DGCR2: variants seen among roughly 807,000 people sequenced by gnomAD.
DGCR2 encodes DiGeorge syndrome critical region gene 2, also known as integral membrane protein DGCR2/IDD.
In DGCR2, 24 loss-of-function variants were observed where a neutral mutation model predicts 51.6. The ratio of observed to expected loss-of-function variants is 0.47; its 90% CI spans 0.34 to 0.65. The LOEUF is 0.65. DGCR2 is among the 30% of genes least tolerant of loss of function. The pLI is 0.01. For missense variants in DGCR2, 765 were observed against 772.1 expected (o/e 0.99, Z 0.11); for synonymous variants, 340 against 315.4 (o/e 1.08, Z -0.82).
Position 19,089,453 on chromosome 22 carries a change from G to T in DGCR2, c.117C>A (p.Ser39Arg). ...GGAGGGGGATGCACTGGATGGTGCC[G>T]CTGCGACACGCAAACTGCCCAGGGT... The part of the protein sequence containing the change: ...RCNPGQFACR[S>R]GTIQCIPLPW... Residue 39 changes from serine (S) to arginine (R), a missense_variant, in exon 2 of 10, where the codon AGC (serine) becomes AGA (arginine). Physicochemically the swap from Ser to Arg is moderately radical, Grantham distance 110. Transcript: ENST00000263196. The T allele has an allele frequency of 1.9e-6, 3 of 1,604,268 alleles. No individual in the cohort carries two copies. The highest frequency in any genetic ancestry group is 1.7e-5 in the Admixed American group (1 of 58,968).
intron 1 of DGCR2, among the ~76,000 whole-genome samples, chr22:19,114,276 T>A (rs1446800597): frequency 6.6e-6 from 1 of 152,240 alleles, no homozygotes; most frequent in Non-Finnish European, 1.5e-5. Context: ...GTATGAATGT[T>A]AGCAAATGTG....
chr22:19,118,607 A>C (rs811107), intron 1 of DGCR2, among the ~76,000 whole-genome samples: 62,683 of 151,858 alleles, frequency 0.41, 13,383 homozygotes, highest in African/African-American at 0.53. Flanking sequence ...TGTACCAACA[A>C]TAGAAGGAAG....
At chr22:19,042,074 TC>T in intron 7 of DGCR2, 115 bp from the exon 8 acceptor site, 1 of 1,216,636 alleles carries the variant, frequency 8.2e-7, no homozygotes, top group Non-Finnish European at 1.1e-6. Context: ...ACACAGTGTC[TC>T]CCTGCACCCA....
At position 19,063,196 on chromosome 22, in the gene DGCR2, G is replaced by C. The variant is rs767531383; in HGVS notation, c.625+6C>G. 8.1e-6 allele frequency: 13 copies of C among 1,613,776 alleles called. No individual in the cohort carries two copies. Among genetic ancestry groups the C allele is most frequent in the Non-Finnish European group, 1.1e-5 (13 of 1,179,768 alleles). ...TCAAACACTCCCACACACCAGAAGG[G>C]CTCACCTTTGAATGCCACCTCCCAG... On this transcript the variant is annotated splice_donor_region_variant and intron_variant, in intron 5 of 9. Transcript: ENST00000263196.
chr22:19,048,012 G>A (rs1601509632), intron 7 of DGCR2: 2 of 234,390 alleles, frequency 8.5e-6, no homozygotes, highest in East Asian at 2.2e-4. Context: ...GGACAACATG[G>A]CGAAACCCCG....
chr22:19,084,614 G>A (rs1327621425), intron 2 of DGCR2, among the ~76,000 whole-genome samples: 32 of 146,944 alleles, frequency 2.2e-4, no homozygotes, highest in African/African-American at 5.9e-4. Flanking sequence ...CAGCCGCCCC[G>A]TCTGGGAAGT....
intron 2 of DGCR2, among the ~76,000 whole-genome samples, chr22:19,069,430 T>C (rs971348204): frequency 6.6e-6 from 1 of 152,214 alleles, no homozygotes; most frequent in African/African-American, 2.4e-5. Context: ...TGTGAAATGC[T>C]TGAAAAATAC....
chr22:19,060,198 C>T (rs1483722365), intron 5 of DGCR2, among the ~76,000 whole-genome samples: 1 of 152,238 alleles, frequency 6.6e-6, no homozygotes, highest in Non-Finnish European at 1.5e-5. Flanking sequence ...GCCAGCCTGG[C>T]CCCTCCCTCA....
chr22:19,085,470 G>C (rs529969212), intron 2 of DGCR2, among the ~76,000 whole-genome samples: 2 of 152,300 alleles, frequency 1.3e-5, no homozygotes, highest in African/African-American at 2.4e-5. Context: ...GAGGAAGAAA[G>C]GTTCCACCTC....
intron 3 of DGCR2, chr22:19,065,728 C>T (rs571509370): frequency 1.3e-5 from 2 of 153,036 alleles, no homozygotes; most frequent in East Asian, 1.9e-4. Context: ...CACCCACACA[C>T]GGGAATGCCT....
chr22:19,097,139 C>T (rs2083150261), intron 1 of DGCR2, among the ~76,000 whole-genome samples: 1 of 152,064 alleles, frequency 6.6e-6, no homozygotes, highest in Non-Finnish European at 1.5e-5. Context: ...AAACAAGGCC[C>T]CTTCCCCCAT....
chr22:19,066,881 C>T (rs1239447908), intron 3 of DGCR2, among the ~76,000 whole-genome samples: 2 of 152,236 alleles, frequency 1.3e-5, no homozygotes, highest in African/African-American at 4.8e-5. Context: ...TGGGGCTGCA[C>T]TGTGAACTGC....
intron 1 of DGCR2, among the ~76,000 whole-genome samples, chr22:19,093,386 C>A (rs2793069): frequency 0.43 from 63,796 of 148,874 alleles, 13,980 homozygotes; most frequent in African/African-American, 0.53. Flanking sequence ...AAATCAAAAT[C>A]GATCATAGGC....
rs940631667 is a variant in DGCR2, at chr22:19,039,133, G to A, written c.1397-12C>T. The A allele has an allele frequency of 6.2e-7, 1 of 1,612,664 alleles. No individual in the cohort carries two copies. Among genetic ancestry groups the A allele is most frequent in the Admixed American group, 1.7e-5 (1 of 59,984 alleles). On this transcript the variant is annotated splice_polypyrimidine_tract_variant and intron_variant, in intron 9 of 9. Coordinates refer to ENST00000263196, the MANE Select transcript of DGCR2 (RefSeq NM_005137.3). ...AAAAGCATCATCGTCTGCAGGAAGA[G>A]ACAGAGGGGTGTCAGAGGCAGGTAC...
chr22:19,088,575 T>C (rs912088376), intron 2 of DGCR2, among the ~76,000 whole-genome samples: 10 of 152,228 alleles, frequency 6.6e-5, no homozygotes, highest in African/African-American at 2.4e-4. Context: ...GGAGTCTGCA[T>C]GTCTGGCCAA....
At chr22:19,104,163 T>C (rs539992499) in intron 1 of DGCR2, among the ~76,000 whole-genome samples, 1 of 152,184 alleles carries the variant, frequency 6.6e-6, no homozygotes, top group African/African-American at 2.4e-5. Context: ...AAATGACACC[T>C]CAGTATTATC....
intron 2 of DGCR2, among the ~76,000 whole-genome samples, chr22:19,082,066 T>TG (rs201375696): frequency 2.4e-4 from 35 of 148,094 alleles, no homozygotes; most frequent in African/African-American, 6.9e-4. Flanking sequence ...TTTTTTTTGT[T>TG]TTTTTTTTTT....
At chr22:19,114,062 GAAAAAAA>G (rs55948025) in intron 1 of DGCR2, among the ~76,000 whole-genome samples, 7 of 80,990 alleles carry the variant, frequency 8.6e-5, no homozygotes, top group Non-Finnish European at 1.6e-4. Flanking sequence ...TCCATTTGAG[GAAAAAAA>G]AAAAAAAAAA....
intron 1 of DGCR2, among the ~76,000 whole-genome samples, chr22:19,095,447 G>A (rs1161669358): frequency 2.0e-5 from 3 of 152,000 alleles, no homozygotes; most frequent in African/African-American, 4.8e-5. Flanking sequence ...AAATCATGAA[G>A]TCAGGAGATG....
Sources: allele counts gnomAD v4.1 joint callset (sites outside exome capture counted in the v4.1 genomes callset), GRCh38; gene constraint gnomAD v4.1.1; transcripts MANE v1.5; gene names NCBI Gene and HGNC (gene_info 2026-07-23, HGNC 2026-07-21).